Variants in TSHZ2 observed in about 807,000 individuals in gnomAD.
TSHZ2 encodes the protein teashirt zinc finger homeobox 2.
In TSHZ2, 21 loss-of-function variants were observed where a neutral mutation model predicts 74.4. The observed-to-expected ratio is 0.28, with a 90% CI of 0.20 to 0.41. The LOEUF (loss-of-function observed/expected upper bound fraction) is 0.41, where lower values mean the gene tolerates loss of function less well. TSHZ2 is among the 10% of genes least tolerant of loss of function. TSHZ2 has a pLI of 1.00. For synonymous variants in TSHZ2, 540 were observed against 515.3 expected, an observed-to-expected ratio of 1.05 and a Z score of -0.65; for missense variants, 1,244 against 1,293.5, an observed-to-expected ratio of 0.96 and a Z score of 0.59.
At chr20:53,480,309 T>G (rs1986116019) in intron 2 of TSHZ2, among the ~76,000 whole-genome samples, 1 of 151,888 alleles carries the variant, frequency 6.6e-6, no homozygotes, top group African/African-American at 2.4e-5. Context: ...CCTCAGGTGA[T>G]CCACCTGCCT....
At chr20:53,032,475 C>A (rs1196422165) in intron 1 of TSHZ2, among the ~76,000 whole-genome samples, 3 of 152,136 alleles carry the variant, frequency 2.0e-5, no homozygotes, top group Non-Finnish European at 4.4e-5. Flanking sequence ...TTGATTGATG[C>A]CAAAAATGGG....
At chr20:53,315,298 G>A (rs919282181) in intron 2 of TSHZ2, among the ~76,000 whole-genome samples, 3 of 151,132 alleles carry the variant, frequency 2.0e-5, no homozygotes, top group Non-Finnish European at 4.4e-5. Context: ...CTTTTCCTCT[G>A]GGAAAGGAAT....
chr20:53,275,309 T>A (rs1990919985), intron 2 of TSHZ2, among the ~76,000 whole-genome samples: 1 of 152,172 alleles, frequency 6.6e-6, no homozygotes, highest in African/African-American at 2.4e-5. Context: ...TCTGTCCTCA[T>A]GTTAATTTTT....
chr20:53,418,023 C>T (rs1210784093), intron 2 of TSHZ2, among the ~76,000 whole-genome samples: 1 of 152,114 alleles, frequency 6.6e-6, no homozygotes, highest in Non-Finnish European at 1.5e-5. Context: ...GATAATAGCA[C>T]TTATTAATGA....
chr20:53,398,706 T>C (rs1982546367), intron 2 of TSHZ2: 1 of 152,240 alleles, frequency 6.6e-6, no homozygotes, highest in Non-Finnish European at 1.5e-5. Flanking sequence ...TGAGCCATAA[T>C]TGCACCACTG....
At chr20:53,453,774 G>T (rs896507921) in intron 2 of TSHZ2, among the ~76,000 whole-genome samples, 4 of 152,162 alleles carry the variant, frequency 2.6e-5, no homozygotes, top group African/African-American at 9.7e-5. Flanking sequence ...CTTTAGATTT[G>T]CTTGAAAATA....
chr20:53,414,085 C>A (rs1221448988), intron 2 of TSHZ2, among the ~76,000 whole-genome samples: 3 of 152,068 alleles, frequency 2.0e-5, no homozygotes, highest in African/African-American at 7.2e-5. Context: ...CATGCCACTG[C>A]ACTTCAGCCT....
intron 1 of TSHZ2, among the ~76,000 whole-genome samples, chr20:53,049,572 G>A (rs1362660098): frequency 3.9e-5 from 6 of 152,082 alleles, no homozygotes; most frequent in Non-Finnish European, 2.9e-5. Flanking sequence ...ATTAGGTAGT[G>A]CCCTCCATAA....
At chr20:53,265,432 A>G (rs1990693476) in intron 2 of TSHZ2, among the ~76,000 whole-genome samples, 1 of 152,004 alleles carries the variant, frequency 6.6e-6, no homozygotes, top group Non-Finnish European at 1.5e-5. Context: ...GGGAGTTAGG[A>G]AGGAGGAAAG....
At chr20:53,160,189 A>G (rs73270636) in intron 1 of TSHZ2, among the ~76,000 whole-genome samples, 2,276 of 152,266 alleles carry the variant, frequency 0.015, 54 homozygotes, top group African/African-American at 0.052. Flanking sequence ...GGAGGCAGGT[A>G]TCTCTGACCA....
chr20:53,040,745 G>T (rs1484442552), intron 1 of TSHZ2, among the ~76,000 whole-genome samples: 1 of 152,094 alleles, frequency 6.6e-6, no homozygotes, highest in African/African-American at 2.4e-5. Flanking sequence ...TCCACCCTTG[G>T]ACCCAACGAC....
At chr20:52,993,789 T>G (rs1473596587) in intron 1 of TSHZ2, among the ~76,000 whole-genome samples, 1 of 152,208 alleles carries the variant, frequency 6.6e-6, no homozygotes, top group Non-Finnish European at 1.5e-5. Context: ...AAATGACACT[T>G]GTGACACATA....
At chr20:53,158,999 TAGC>T (rs1297345456) in intron 1 of TSHZ2, among the ~76,000 whole-genome samples, 1 of 152,256 alleles carries the variant, frequency 6.6e-6, no homozygotes, top group Non-Finnish European at 1.5e-5. Flanking sequence ...CAGGGAAAAT[TAGC>T]AGAACTGACG....
intron 1 of TSHZ2, among the ~76,000 whole-genome samples, chr20:53,031,114 T>C (rs1017038680): frequency 6.6e-6 from 1 of 152,172 alleles, no homozygotes; most frequent in Non-Finnish European, 1.5e-5. Context: ...ATCCCAGAAG[T>C]AGAATTGCCA....
intron 2 of TSHZ2, among the ~76,000 whole-genome samples, chr20:53,379,874 G>A (rs1342052500): frequency 6.6e-6 from 1 of 152,144 alleles, no homozygotes; most frequent in African/African-American, 2.4e-5. Context: ...TCTTACCATA[G>A]ATTTCCCTCC....
intron 2 of TSHZ2, among the ~76,000 whole-genome samples, chr20:53,387,600 GAAACC>G (rs1296666607): frequency 2.0e-5 from 3 of 152,184 alleles, no homozygotes; most frequent in Non-Finnish European, 2.9e-5. Context: ...GATTTGGGAA[GAAACC>G]AACCTGACAC....
chr20:52,996,819 C>A (rs1303018049), intron 1 of TSHZ2, among the ~76,000 whole-genome samples: 5 of 152,124 alleles, frequency 3.3e-5, no homozygotes, highest in Non-Finnish European at 7.4e-5. Flanking sequence ...ATTTGTGCAT[C>A]CAAAGCTGAG....
chr20:53,239,045 T>C (rs1031151000), intron 1 of TSHZ2, among the ~76,000 whole-genome samples: 3 of 152,094 alleles, frequency 2.0e-5, no homozygotes, highest in Non-Finnish European at 4.4e-5. Context: ...GGCTTGCCAC[T>C]AGGGATAAAG....
chr20:53,069,750 G>T (rs1032358032), intron 1 of TSHZ2, among the ~76,000 whole-genome samples: 2 of 149,862 alleles, frequency 1.3e-5, no homozygotes, highest in Non-Finnish European at 3.0e-5. Context: ...GCAAAGAGAC[G>T]CCACTGGATG....
Sources: allele counts gnomAD v4.1 joint callset (sites outside exome capture counted in the v4.1 genomes callset), GRCh38; gene constraint gnomAD v4.1.1; transcripts MANE v1.5; gene names NCBI Gene and HGNC (gene_info 2026-07-23, HGNC 2026-07-21).